Variants in SAMHD1 observed in about 807,000 individuals in gnomAD.
SAMHD1 encodes the protein SAM and HD domain containing deoxynucleoside triphosphate triphosphohydrolase 1.
SAMHD1 carries 54 observed loss-of-function variants against 79.6 expected under a neutral mutation model. The observed-to-expected ratio is 0.68, with a 90% CI of 0.55 to 0.85. The LOEUF is 0.85. SAMHD1 is among the 40% of genes least tolerant of loss of function. The pLI is 0.00. For missense variants in SAMHD1, 663 were observed against 782.7 expected (o/e 0.85, Z 1.82); for synonymous variants, 260 against 264.1 (o/e 0.98, Z 0.15).
intron 2 of SAMHD1, among the ~76,000 whole-genome samples, chr20:36,942,609 C>A (rs1402885457): frequency 6.6e-6 from 1 of 151,848 alleles, no homozygotes; most frequent in African/African-American, 2.4e-5. Context: ...ATGCTTCTTA[C>A]AATTGACATG....
At chr20:36,931,592 T>C (rs981518198) in intron 4 of SAMHD1, among the ~76,000 whole-genome samples, 1 of 151,906 alleles carries the variant, frequency 6.6e-6, no homozygotes, top group Admixed American at 6.6e-5. Context: ...AGCCGAGATC[T>C]TGCCATTGCA....
chr20:36,911,478 A>G (rs2058938703), intron 10 of SAMHD1, 145 bp from the exon 11 acceptor site: 1 of 651,078 alleles, frequency 1.5e-6, no homozygotes, highest in East Asian at 2.8e-5. Flanking sequence ...ACCGTACTAA[A>G]TTTGTGCTTG....
chr20:36,924,318 GGGAAAGAAAGGAA>G (rs1264303061), intron 6 of SAMHD1, among the ~76,000 whole-genome samples: 1 of 145,516 alleles, frequency 6.9e-6, no homozygotes, highest in African/African-American at 2.5e-5. Context: ...AGGGAAGGAA[GGGAAAGAAAGGAA>G]GGAAAGGAAG....
At chr20:36,903,971 A>C in intron 13 of SAMHD1, 186 bp downstream of exon 13, 1 of 570,224 alleles carries the variant, frequency 1.8e-6, no homozygotes, top group Non-Finnish European at 3.1e-6. Flanking sequence ...AATTATATTA[A>C]AAATAATGGC....
At position 36,892,732 on chromosome 20, in the gene SAMHD1, G is replaced by A. The variant is rs2148351909; in HGVS notation, c.*200C>T. ...TTTAATAATATTAAAAATAGGCAAGGTAATGCTTTTCATAGTATAGTAAGA... is the reference window on the plus strand; with the variant it reads ...TTTAATAATATTAAAAATAGGCAAGATAATGCTTTTCATAGTATAGTAAGA... On this transcript the variant is annotated 3_prime_UTR_variant, in exon 16 of 16. Coordinates refer to ENST00000646673, the MANE Select transcript of SAMHD1 (RefSeq NM_015474.4). 1.5e-6 allele frequency: 1 copy of A among 683,158 alleles called. No homozygotes were observed. Among genetic ancestry groups the A allele is most frequent in the East Asian group, 2.8e-5 (1 of 36,242 alleles). 42.3% of individuals were successfully genotyped at this position (683,158 alleles called of 1,614,324 possible).
chr20:36,912,749 T>C (rs991973674), intron 9 of SAMHD1, among the ~76,000 whole-genome samples, 197 bp from the exon 10 acceptor site: 1 of 105,590 alleles, frequency 9.5e-6, no homozygotes, highest in South Asian at 3.5e-4. Context: ...CTTGCAACTT[T>C]CATTTTTTTT....
At chr20:36,903,923 A>G (rs1312760918) in intron 13 of SAMHD1, 1 of 415,484 alleles carries the variant, frequency 2.4e-6, no homozygotes. Flanking sequence ...GTAATTAAAA[A>G]TTTTTAATTA....
intron 6 of SAMHD1, among the ~76,000 whole-genome samples, chr20:36,920,138 G>C (rs1199460194): frequency 2.6e-5 from 4 of 152,078 alleles, no homozygotes; most frequent in African/African-American, 7.2e-5. Flanking sequence ...AAAAGAGACA[G>C]GGAATTGCTC....
chr20:36,936,496 T>C (rs1279395660), intron 3 of SAMHD1, among the ~76,000 whole-genome samples: 2 of 151,822 alleles, frequency 1.3e-5, no homozygotes, highest in African/African-American at 4.8e-5. Flanking sequence ...AATTTATTTT[T>C]ATTCTTTGTG....
intron 6 of SAMHD1, among the ~76,000 whole-genome samples, chr20:36,921,371 C>T (rs1242123397): frequency 2.2e-4 from 24 of 110,460 alleles, no homozygotes; most frequent in South Asian, 1.6e-3. Flanking sequence ...ACAGGCTGGG[C>T]GACACAGCGA....
intron 5 of SAMHD1, among the ~76,000 whole-genome samples, chr20:36,927,648 T>C (rs539459558): frequency 1.3e-5 from 2 of 152,256 alleles, no homozygotes; most frequent in East Asian, 1.9e-4. Context: ...TTAGTTTAAC[T>C]TGAATAGCAA....
intron 1 of SAMHD1, among the ~76,000 whole-genome samples, chr20:36,948,069 T>C (rs2063706392): frequency 6.6e-6 from 1 of 152,144 alleles, no homozygotes; most frequent in Non-Finnish European, 1.5e-5. Context: ...TTTTTTGTAG[T>C]GGTGTGATCT....
At chr20:36,946,708 T>C (rs1167556265) in intron 2 of SAMHD1, 30 bp downstream of exon 2, 1 of 1,555,072 alleles carries the variant, frequency 6.4e-7, no homozygotes, top group South Asian at 1.1e-5. Context: ...TGTGTTTGGT[T>C]ATAACGTGAA....
At chr20:36,904,953 T>C in intron 12 of SAMHD1, 1 of 221,836 alleles carries the variant, frequency 4.5e-6, no homozygotes, top group South Asian at 7.1e-5. Context: ...GAGACTGATA[T>C]CCTGTGAAGG....
rs1029479232 is a variant in SAMHD1, at chr20:36,951,425, G to A, written c.208+11C>T. 3.7e-6 allele frequency: 6 copies of A among 1,613,346 alleles called. No homozygotes were observed. Among genetic ancestry groups the A allele is most frequent in the African/African-American group, 1.3e-5 (1 of 75,046 alleles). The stretch of plus-strand genomic sequence containing the variant: ...CCGCCCTTCGCCCCTCAGCCCCTCC[G>A]GAGCCGCTACCTCGGATGTTCTTCA... On this transcript the variant is annotated intron_variant, in intron 1 of 15. Transcript: ENST00000646673.
At chr20:36,905,880 G>T (rs2063402099) in intron 11 of SAMHD1, among the ~76,000 whole-genome samples, 1 of 151,464 alleles carries the variant, frequency 6.6e-6, no homozygotes, top group South Asian at 2.1e-4. Flanking sequence ...GGCTGAGGCA[G>T]GAGAATTGCT....
intron 11 of SAMHD1, among the ~76,000 whole-genome samples, chr20:36,908,626 T>G (rs2063418952): frequency 6.6e-6 from 1 of 152,300 alleles, no homozygotes. Flanking sequence ...GTATTTTACA[T>G]GCCTTTTCCC....
intron 6 of SAMHD1, 41 bp downstream of exon 6, chr20:36,927,141 A>G (rs775598056): frequency 6.6e-7 from 1 of 1,520,914 alleles, no homozygotes; most frequent in Admixed American, 1.7e-5. Context: ...CTGCTTAAAT[A>G]GTCTTTCTTT....
chr20:36,943,733 GAAACA>G (rs1298721341), intron 2 of SAMHD1, among the ~76,000 whole-genome samples: 1 of 152,122 alleles, frequency 6.6e-6, no homozygotes, highest in East Asian at 1.9e-4. Context: ...TTATGTACAA[GAAACA>G]AGTAGTAAAG....
Sources: allele counts gnomAD v4.1 joint callset (sites outside exome capture counted in the v4.1 genomes callset), GRCh38; gene constraint gnomAD v4.1.1; transcripts MANE v1.5; gene names NCBI Gene and HGNC (gene_info 2026-07-23, HGNC 2026-07-21).